Variants in MTPN observed in about 807,000 individuals in gnomAD.
MTPN encodes granule cell differentiation protein.
MTPN carries 2 observed loss-of-function variants against 13.5 expected under a neutral mutation model. That is an observed-to-expected ratio of 0.15 (90% CI 0.06 to 0.47). MTPN has a LOEUF of 0.47. Among genes scored for constraint, MTPN ranks in the 20% least tolerant of loss-of-function variants. The probability of loss-of-function intolerance (pLI) is 0.97; values close to 1 mark genes in which losing one functional copy is unlikely to be tolerated. For synonymous variants in MTPN, 46 were observed against 51.7 expected, an observed-to-expected ratio of 0.89 and a Z score of 0.48; for missense variants, 79 against 137.9, an observed-to-expected ratio of 0.57 and a Z score of 2.14.
intron 2 of MTPN, among the ~76,000 whole-genome samples, 163 bp from the exon 3 acceptor site, chr7:135,950,845 A>G (rs1373272713): frequency 6.6e-6 from 1 of 152,182 alleles, no homozygotes; most frequent in Non-Finnish European, 1.5e-5. Context: ...AAGCTACCAG[A>G]GACCCAAGCC....
chr7:135,944,253 T>C (rs1043550664), intron 3 of MTPN, among the ~76,000 whole-genome samples: 7 of 152,150 alleles, frequency 4.6e-5, no homozygotes, highest in African/African-American at 1.7e-4. Flanking sequence ...TTCCTTAGGA[T>C]TAGGAATACT....
intron 1 of MTPN, among the ~76,000 whole-genome samples, chr7:135,957,186 T>C (rs1211263540): frequency 6.6e-6 from 1 of 152,204 alleles, no homozygotes; most frequent in African/African-American, 2.4e-5. Context: ...AAATAACATA[T>C]ATAATGTATA....
chr7:135,976,940 C>CAA, intron 1 of MTPN, 89 bp downstream of exon 1: 2 of 778,878 alleles, frequency 2.6e-6, no homozygotes, highest in Non-Finnish European at 4.5e-6. Flanking sequence ...CGCCCACCCC[C>CAA]ATCCCCGCAG....
chr7:135,950,553 T>C, intron 3 of MTPN, 46 bp downstream of exon 3: 1 of 1,422,528 alleles, frequency 7.0e-7, no homozygotes, highest in South Asian at 1.2e-5. Flanking sequence ...ATACTTGGCT[T>C]AAACACAGTA....
chr7:135,967,262 A>G (rs1799620176), intron 1 of MTPN, among the ~76,000 whole-genome samples: 1 of 152,146 alleles, frequency 6.6e-6, no homozygotes, highest in Non-Finnish European at 1.5e-5. Flanking sequence ...ACATAAACAC[A>G]ATAAAAAAGT....
intron 1 of MTPN, among the ~76,000 whole-genome samples, chr7:135,964,831 T>A (rs1276261649): frequency 3.3e-5 from 5 of 152,062 alleles, no homozygotes; most frequent in Non-Finnish European, 7.4e-5. Context: ...TACATTTTAA[T>A]TTTTTTATAT....
intron 1 of MTPN, among the ~76,000 whole-genome samples, chr7:135,969,092 G>C (rs1489436762): frequency 7.3e-5 from 8 of 109,560 alleles, no homozygotes; most frequent in Admixed American, 2.8e-4. Flanking sequence ...GTGGGGTGGG[G>C]GGGGGGGAGG....
At chr7:135,933,782 A>C (rs1799067420) in intron 3 of MTPN, among the ~76,000 whole-genome samples, 1 of 152,186 alleles carries the variant, frequency 6.6e-6, no homozygotes, top group African/African-American at 2.4e-5. Context: ...GTCCCCACCC[A>C]AATCTCAAGT....
chr7:135,939,348 T>TA (rs995343814), intron 3 of MTPN, among the ~76,000 whole-genome samples: 2 of 152,068 alleles, frequency 1.3e-5, no homozygotes, highest in Admixed American at 1.3e-4. Context: ...GTCAGTACTG[T>TA]AGCTCACTCA....
At chr7:135,968,715 C>T (rs971287615) in intron 1 of MTPN, among the ~76,000 whole-genome samples, 2 of 148,858 alleles carry the variant, frequency 1.3e-5, no homozygotes, top group South Asian at 4.2e-4. Flanking sequence ...ATCACACGAT[C>T]CCAGCATTCC....
chr7:135,930,228 C>T lies in MTPN; in HGVS notation c.271-216G>A, dbSNP rs139842653. Among the ~76,000 whole-genome samples the T allele has an allele frequency of 5.3e-5, 8 of 152,138 alleles. No homozygotes were observed. The East Asian group carries it at 1.5e-3, about 29-fold the overall frequency. On this transcript the variant is annotated intron_variant, in intron 3 of 3. Coordinates refer to ENST00000393085, the MANE Select transcript of MTPN (RefSeq NM_145808.4). ...TTTTTCAGGCACTAAGAATTGTAAC[C>T]CAGGCAATCACTGGCTTTTATTTAT...
chr7:135,930,639 T>C (rs1339046150), intron 3 of MTPN, among the ~76,000 whole-genome samples: 1 of 152,088 alleles, frequency 6.6e-6, no homozygotes, highest in Non-Finnish European at 1.5e-5. Flanking sequence ...GGCATTCTGG[T>C]TTTGAGAGTG....
intron 3 of MTPN, 80 bp from the exon 4 acceptor site, chr7:135,930,092 G>A: frequency 3.3e-6 from 4 of 1,206,820 alleles, no homozygotes; most frequent in Non-Finnish European, 4.8e-6. Flanking sequence ...CATGGCACAG[G>A]TTAATGTTTA....
At chr7:135,936,440 G>GT (rs1362365565) in intron 3 of MTPN, among the ~76,000 whole-genome samples, 8 of 152,164 alleles carry the variant, frequency 5.3e-5, no homozygotes, top group African/African-American at 1.9e-4. Context: ...AGCCTAGATT[G>GT]TGCCACTGCA....
At chr7:135,940,963 C>T (rs1028500311) in intron 3 of MTPN, among the ~76,000 whole-genome samples, 3 of 152,154 alleles carry the variant, frequency 2.0e-5, no homozygotes, top group African/African-American at 4.8e-5. Flanking sequence ...CATACCTAGG[C>T]TCATTCATTT....
chr7:135,954,277 T>C (rs1025564694), intron 1 of MTPN, among the ~76,000 whole-genome samples: 6 of 152,258 alleles, frequency 3.9e-5, no homozygotes, highest in African/African-American at 1.4e-4. Flanking sequence ...TTCCTGGTAC[T>C]GGCTTATACT....
chr7:135,939,623 C>T (rs1008493557), intron 3 of MTPN, among the ~76,000 whole-genome samples: 1 of 120,700 alleles, frequency 8.3e-6, no homozygotes, highest in Non-Finnish European at 1.6e-5. Context: ...TGTGGGATAT[C>T]AACAACATAC....
At position 135,951,215 on chromosome 7, in the gene MTPN, T is replaced by C. The variant is rs374032935; in HGVS notation, c.186+302A>G. Among the ~76,000 whole-genome samples the C allele has an allele frequency of 7.2e-5, 11 of 152,294 alleles. No individual in the cohort carries two copies. The East Asian group carries it at 1.9e-3, about 27-fold the overall frequency. ...CAGAGTCCTATGCTGTATTACATCA[T>C]AGCCATTTGTTACCCACAGATAGTG... On this transcript the variant is annotated intron_variant, in intron 2 of 3. Transcript: ENST00000393085.
chr7:135,945,200 G>A (rs1194784555), intron 3 of MTPN, among the ~76,000 whole-genome samples: 2 of 152,234 alleles, frequency 1.3e-5, no homozygotes, highest in African/African-American at 4.8e-5. Flanking sequence ...TGAGATGAGT[G>A]GTGAGTGAAG....
Sources: allele counts gnomAD v4.1 joint callset (sites outside exome capture counted in the v4.1 genomes callset), GRCh38; gene constraint gnomAD v4.1.1; transcripts MANE v1.5; gene names NCBI Gene and HGNC (gene_info 2026-07-23, HGNC 2026-07-21).